NHSL1: variants seen among roughly 807,000 people sequenced by gnomAD.
NHSL1 encodes NHS-like protein 1.
A neutral mutation model predicts 95.0 loss-of-function variants in NHSL1; 48 were observed. The ratio of observed to expected loss-of-function variants is 0.51; its 90% confidence interval spans 0.40 to 0.64. The LOEUF (loss-of-function observed/expected upper bound fraction) is 0.64, where lower values mean the gene tolerates loss of function less well. Among genes scored for constraint, NHSL1 ranks in the 30% least tolerant of loss-of-function variants. The probability of loss-of-function intolerance (pLI) is 0.00; values close to 1 mark genes in which losing one functional copy is unlikely to be tolerated. For missense variants in NHSL1, 1,971 were observed against 2,077.7 expected (o/e 0.95, Z 1.00); for synonymous variants, 783 against 833.9 (o/e 0.94, Z 1.05).
intron 1 of NHSL1, among the ~76,000 whole-genome samples, chr6:138,568,246 A>G (rs1470444540): frequency 6.6e-6 from 1 of 152,116 alleles, no homozygotes; most frequent in African/African-American, 2.4e-5. Flanking sequence ...CAATTATCCT[A>G]CATTTTCTCT....
chr6:138,526,174 T>A (rs1781898697), intron 1 of NHSL1, among the ~76,000 whole-genome samples: 1 of 149,490 alleles, frequency 6.7e-6, no homozygotes, highest in Non-Finnish European at 1.5e-5. Flanking sequence ...AGTTCCCAGA[T>A]CATAATGTCA....
intron 1 of NHSL1, among the ~76,000 whole-genome samples, chr6:138,525,578 A>C (rs1012439384): frequency 6.8e-6 from 1 of 147,346 alleles, no homozygotes; most frequent in African/African-American, 2.5e-5. Flanking sequence ...TAAATAAATA[A>C]AAAGGGAAAG....
At chr6:138,637,538 T>G (rs925940330) in intron 1 of NHSL1, among the ~76,000 whole-genome samples, 1 of 152,058 alleles carries the variant, frequency 6.6e-6, no homozygotes, top group Non-Finnish European at 1.5e-5. Context: ...GGAACCCACC[T>G]CTATCAGCAA....
At chr6:138,545,839 G>A (rs117684673), upstream of NHSL1, 30,276 of 1,143,212 alleles carry the variant, frequency 0.026, 445 homozygotes, top group Non-Finnish European at 0.03. Context: ...TCTCTCCTGG[G>A]TTATTTCACA....
chr6:138,450,273 T>C (rs1416902902), intron 3 of NHSL1, among the ~76,000 whole-genome samples: 8 of 152,350 alleles, frequency 5.3e-5, no homozygotes, highest in Admixed American at 4.6e-4. Context: ...TGTCTGAGTT[T>C]GAATTTCAAG....
At chr6:138,525,348 A>ACTCT (rs200645474) in intron 1 of NHSL1, among the ~76,000 whole-genome samples, 1 of 150,378 alleles carries the variant, frequency 6.6e-6, no homozygotes, top group African/African-American at 2.4e-5. Flanking sequence ...CAACATAGCA[A>ACTCT]CTCTCTCTCT....
upstream of NHSL1, among the ~76,000 whole-genome samples, chr6:138,500,263 C>T (rs1047781918): frequency 2.0e-5 from 3 of 152,184 alleles, no homozygotes; most frequent in African/African-American, 7.2e-5. Flanking sequence ...CTGAGTTACT[C>T]TTTAACTTGA....
rs772030361 is a variant in NHSL1, at chr6:138,432,630, G to A, written c.1715C>T (p.Thr572Ile). 3.2e-6 allele frequency: 5 copies of A among 1,551,730 alleles called. No individual in the cohort carries two copies. The highest frequency in any genetic ancestry group is 2.4e-5 in the East Asian group (1 of 40,908). ...RASPLKPHLATPGYSTPTSNM... is the reference protein window; with the variant it reads ...RASPLKPHLAIPGYSTPTSNM... ...ACTTGTGGGAGTGGAATAGCCAGGA[G>A]TTGCTAAATGCGGCTTCAGGGGGGA... Residue 572 changes from threonine (T) to isoleucine (I), a missense_variant, in exon 6 of 8, where the codon ACT becomes ATT. By Grantham distance (89) the Thr-to-Ile change is moderately conservative (BLOSUM62 -1). Transcript: ENST00000343505. The surrounding 1 kb of genome is among the most constrained non-coding windows in gnomAD (Gnocchi z 4.4).
intron 1 of NHSL1, among the ~76,000 whole-genome samples, chr6:138,568,926 A>G (rs1469404994): frequency 6.6e-6 from 1 of 152,242 alleles, no homozygotes; most frequent in Non-Finnish European, 1.5e-5. Context: ...GATGTTCCTG[A>G]TAACAATCCA....
At chr6:138,681,720 T>A (rs924937295) in intron 1 of NHSL1, among the ~76,000 whole-genome samples, 2 of 152,226 alleles carry the variant, frequency 1.3e-5, no homozygotes, top group Non-Finnish European at 2.9e-5. Flanking sequence ...TTTCCTTTTT[T>A]TTTACACATC....
intron 1 of NHSL1, among the ~76,000 whole-genome samples, chr6:138,619,744 T>C (rs1784628457): frequency 6.6e-6 from 1 of 151,908 alleles, no homozygotes; most frequent in East Asian, 1.9e-4. Context: ...GGTCAAGAGA[T>C]CGAGACCATC....
intron 7 of NHSL1, 142 bp downstream of exon 7, chr6:138,429,569 C>T (rs1326297583): frequency 5.6e-6 from 4 of 717,630 alleles, no homozygotes; most frequent in South Asian, 4.6e-5. Flanking sequence ...ACTGTAGAAA[C>T]CCACTAAAAA....
At chr6:138,661,890 A>G (rs1156662299) in intron 1 of NHSL1, among the ~76,000 whole-genome samples, 5 of 152,040 alleles carry the variant, frequency 3.3e-5, no homozygotes, top group South Asian at 2.1e-4. Context: ...GGGTAACAAA[A>G]TAAGACTCTG....
chr6:138,455,805 T>C (rs1371125345), intron 3 of NHSL1, among the ~76,000 whole-genome samples: 2 of 152,176 alleles, frequency 1.3e-5, no homozygotes, highest in African/African-American at 4.8e-5. Context: ...TGTAAAGCCA[T>C]GACAATCAGA....
chr6:138,610,842 C>G (rs1365415542), intron 1 of NHSL1, among the ~76,000 whole-genome samples: 1 of 152,104 alleles, frequency 6.6e-6, no homozygotes, highest in East Asian at 1.9e-4. Context: ...ATTTGGGAGG[C>G]TGAGATGAGT....
chr6:138,440,070 A>C (rs988535066), intron 5 of NHSL1, among the ~76,000 whole-genome samples: 1 of 152,084 alleles, frequency 6.6e-6, no homozygotes, highest in African/African-American at 2.4e-5. Context: ...TGGAATACTT[A>C]TGTGTATGTG....
chr6:138,583,438 A>ACACCATTCCTGACCTCAGGGATTGGG (rs1784089893), intron 1 of NHSL1, among the ~76,000 whole-genome samples: 2 of 152,088 alleles, frequency 1.3e-5, no homozygotes, highest in Admixed American at 1.3e-4. Flanking sequence ...GGCTCCAAAA[A>ACACCATTCCTGACCTCAGGGATTGGG]CACCATTCCT....
At chr6:138,434,746 T>C (rs539166498) in intron 5 of NHSL1, among the ~76,000 whole-genome samples, 29 of 152,302 alleles carry the variant, frequency 1.9e-4, no homozygotes, top group Non-Finnish European at 3.8e-4. Context: ...TCTGTGTCAG[T>C]GGACACCTGG....
chr6:138,541,986 C>T (rs1782599596), intron 1 of NHSL1, among the ~76,000 whole-genome samples: 1 of 152,168 alleles, frequency 6.6e-6, no homozygotes, highest in Non-Finnish European at 1.5e-5. Flanking sequence ...TGAATAGCGT[C>T]CTCCCAAAAT....
Sources: allele counts gnomAD v4.1 joint callset (sites outside exome capture counted in the v4.1 genomes callset), GRCh38; gene constraint gnomAD v4.1.1; non-coding constraint Gnocchi (gnomAD v3.1); transcripts MANE v1.5; gene names NCBI Gene and HGNC (gene_info 2026-07-23, HGNC 2026-07-21).